ABTB3: variants seen among roughly 807,000 people sequenced by gnomAD.
The protein encoded by ABTB3 is ankyrin repeat and BTB domain containing 3.
the ABTB3 span, among the ~76,000 whole-genome samples, chr12:107,344,109 C>T: frequency 6.6e-6 from 1 of 152,174 alleles, no homozygotes. Context: ...CCCAATATGG[C>T]TGCTACAGCT....
the ABTB3 span, among the ~76,000 whole-genome samples, chr12:107,416,605 T>A: frequency 6.6e-6 from 1 of 152,230 alleles, no homozygotes; most frequent in Non-Finnish European, 1.5e-5. Context: ...AAGCAGTTGG[T>A]TGTCTGGCCC....
chr12:107,389,253 C>T, the ABTB3 span, among the ~76,000 whole-genome samples: 2 of 152,238 alleles, frequency 1.3e-5, no homozygotes, highest in Admixed American at 1.3e-4. Flanking sequence ...CAATGTGACT[C>T]AAGCTGTAAC....
At chr12:107,501,822 G>A in the ABTB3 span, among the ~76,000 whole-genome samples, 1 of 152,162 alleles carries the variant, frequency 6.6e-6, no homozygotes, top group Non-Finnish European at 1.5e-5. Flanking sequence ...GAAACACCAC[G>A]GAGCCCTGAA....
chr12:107,492,212 A>G, the ABTB3 span, among the ~76,000 whole-genome samples: 1,114 of 152,278 alleles, frequency 7.3e-3, 10 homozygotes, highest in Non-Finnish European at 8.6e-3. Context: ...TGAGAGTGGA[A>G]GGAATTCCCG....
chr12:107,465,215 C>T, the ABTB3 span, among the ~76,000 whole-genome samples: 1 of 152,132 alleles, frequency 6.6e-6, no homozygotes, highest in African/African-American at 2.4e-5. Context: ...CCCTCCAGTG[C>T]CCCGAGGATT....
chr12:107,411,088 T>A, the ABTB3 span, among the ~76,000 whole-genome samples: 2 of 152,038 alleles, frequency 1.3e-5, no homozygotes, highest in African/African-American at 4.8e-5. Context: ...TCACTTGAGG[T>A]CAGGATTTTG....
At chr12:107,622,354 A>G in the ABTB3 span, among the ~76,000 whole-genome samples, 1 of 152,338 alleles carries the variant, frequency 6.6e-6, no homozygotes, top group African/African-American at 2.4e-5. Flanking sequence ...ATGATGACAG[A>G]GAAATTCCAA....
chr12:107,503,590 T>C, the ABTB3 span, among the ~76,000 whole-genome samples: 1 of 151,498 alleles, frequency 6.6e-6, no homozygotes, highest in Non-Finnish European at 1.5e-5. Context: ...AGACCCCGTC[T>C]ATACAAAAAA....
the ABTB3 span, among the ~76,000 whole-genome samples, chr12:107,381,324 A>G: frequency 6.6e-6 from 1 of 152,240 alleles, no homozygotes; most frequent in Non-Finnish European, 1.5e-5. Context: ...GAGCCTCTGC[A>G]GACAGGTGAA....
the ABTB3 span, chr12:107,486,635 C>G: frequency 6.6e-6 from 1 of 150,606 alleles, no homozygotes; most frequent in African/African-American, 2.5e-5. Flanking sequence ...TGGCTGTACA[C>G]TAGAGTATTC....
the ABTB3 span, among the ~76,000 whole-genome samples, chr12:107,390,287 G>T: frequency 2.6e-5 from 4 of 152,176 alleles, no homozygotes; most frequent in Non-Finnish European, 5.9e-5. Context: ...ATCCTAGGAG[G>T]TAGATATTAT....
the ABTB3 span, chr12:107,520,360 T>C: frequency 2.6e-5 from 38 of 1,470,012 alleles, no homozygotes; most frequent in South Asian, 3.1e-4. Context: ...GGTTCCTACA[T>C]TGGCTTTCTT....
At chr12:107,591,594 C>G in the ABTB3 span, among the ~76,000 whole-genome samples, 1 of 152,166 alleles carries the variant, frequency 6.6e-6, no homozygotes, top group African/African-American at 2.4e-5. Context: ...AATTACAATT[C>G]AACATGAGAT....
chr12:107,607,526 G>C, the ABTB3 span, among the ~76,000 whole-genome samples: 2 of 152,118 alleles, frequency 1.3e-5, no homozygotes, highest in Non-Finnish European at 2.9e-5. Flanking sequence ...GATCAACTCT[G>C]GGCCCCTAAG....
At chr12:107,462,486 G>T in the ABTB3 span, among the ~76,000 whole-genome samples, 4 of 152,316 alleles carry the variant, frequency 2.6e-5, no homozygotes, top group East Asian at 5.8e-4. Flanking sequence ...TGATGATGGT[G>T]GTTATGATAA....
chr12:107,363,128 G>T, the ABTB3 span, among the ~76,000 whole-genome samples: 1 of 152,200 alleles, frequency 6.6e-6, no homozygotes, highest in Non-Finnish European at 1.5e-5. Flanking sequence ...GCTTGTCATT[G>T]TCCCCGGGTT....
the ABTB3 span, among the ~76,000 whole-genome samples, chr12:107,390,732 T>G: frequency 3.3e-5 from 5 of 152,146 alleles, no homozygotes; most frequent in Non-Finnish European, 5.9e-5. Flanking sequence ...GAAAGTGGGA[T>G]TTTAAAAAAT....
At chr12:107,345,521 T>C in the ABTB3 span, among the ~76,000 whole-genome samples, 1 of 151,752 alleles carries the variant, frequency 6.6e-6, no homozygotes. Flanking sequence ...GATTATTGGT[T>C]CATGTACAAG....
the ABTB3 span, among the ~76,000 whole-genome samples, chr12:107,353,672 C>T: frequency 3.3e-5 from 5 of 152,136 alleles, no homozygotes; most frequent in Non-Finnish European, 7.4e-5. Context: ...ATGGCCTGTC[C>T]GAACTGAGTG....
Sources: allele counts gnomAD v4.1 joint callset (sites outside exome capture counted in the v4.1 genomes callset), GRCh38; gene constraint gnomAD v4.1.1; transcripts MANE v1.5; gene names NCBI Gene and HGNC (gene_info 2026-07-23, HGNC 2026-07-21).